Variants in HECW1 observed in about 807,000 individuals in gnomAD.
HECW1 encodes HECT, C2 and WW domain containing E3 ubiquitin protein ligase 1.
A neutral mutation model predicts 182.3 loss-of-function variants in HECW1; 61 were observed. The ratio of observed to expected loss-of-function variants is 0.33; its 90% CI spans 0.27 to 0.41. The LOEUF (loss-of-function observed/expected upper bound fraction) is 0.41. HECW1 is among the 10% of genes least tolerant of loss of function. The pLI, the probability that HECW1 is intolerant of heterozygous loss-of-function variation, is 1.00. For synonymous variants in HECW1, 859 were observed against 832.6 expected (o/e 1.03, Z -0.55); for missense variants, 1,739 against 2,108.9 (o/e 0.82, Z 3.44).
chr7:43,179,681 A>AT (rs1209427776), intron 2 of HECW1, among the ~76,000 whole-genome samples: 6 of 152,152 alleles, frequency 3.9e-5, no homozygotes, highest in African/African-American at 1.4e-4. Context: ...TATATTTAGT[A>AT]TTGCTTATTG....
At chr7:43,328,322 CA>C (rs1023743477) in intron 5 of HECW1, among the ~76,000 whole-genome samples, 1 of 151,274 alleles carries the variant, frequency 6.6e-6, no homozygotes, top group African/African-American at 2.4e-5. Flanking sequence ...AAACAAAAAA[CA>C]AAAAAAACAA....
intron 27 of HECW1, among the ~76,000 whole-genome samples, chr7:43,551,155 A>G (rs916661683): frequency 2.6e-5 from 4 of 152,196 alleles, no homozygotes; most frequent in African/African-American, 9.7e-5. Context: ...CTTCCCTGCC[A>G]GAATGGAGAA....
intron 2 of HECW1, among the ~76,000 whole-genome samples, chr7:43,202,477 CTT>C (rs760450431): frequency 7.8e-5 from 11 of 141,498 alleles, no homozygotes; most frequent in African/African-American, 7.7e-5. Flanking sequence ...TTCTCCTTGC[CTT>C]TTTTTTTTTT....
At chr7:43,130,605 A>T (rs1786806259) in intron 2 of HECW1, among the ~76,000 whole-genome samples, 1 of 152,242 alleles carries the variant, frequency 6.6e-6, no homozygotes, top group Non-Finnish European at 1.5e-5. Flanking sequence ...GCATATCATT[A>T]ATATAGTGAT....
rs73099593 is a variant in HECW1 at position 43,381,184 on chromosome 7, A to C, written c.556-15630A>C. On this transcript the variant is annotated intron_variant, in intron 6 of 29. Transcript: ENST00000395891. The stretch of plus-strand genomic sequence containing the variant: ...GCAAAATCTTTTGTCCTCTTTTCCC[A>C]TTGGGCTGTTTACTTTTTTCATGCT... Among the ~76,000 whole-genome samples the C allele has an allele frequency of 6.9e-3, 1,049 of 152,038 alleles. 9 individuals are homozygous for C. Among genetic ancestry groups the C allele is most frequent in the Middle Eastern group, 0.034 (10 of 294 alleles).
intron 9 of HECW1, 116 bp from the exon 10 acceptor site, chr7:43,442,413 C>A (rs865990961): frequency 1.6e-5 from 11 of 668,938 alleles, no homozygotes; most frequent in Middle Eastern, 3.4e-4. Flanking sequence ...TGCTGTTGAG[C>A]ACATCAGGAC....
chr7:43,552,437 G>T, intron 28 of HECW1, 101 bp downstream of exon 28: 1 of 797,592 alleles, frequency 1.3e-6, no homozygotes, highest in South Asian at 1.5e-5. Context: ...AAATAAAATT[G>T]ACTAAAGCGA....
intron 2 of HECW1, among the ~76,000 whole-genome samples, chr7:43,180,295 T>C (rs1176273067): frequency 8.4e-6 from 1 of 118,450 alleles, no homozygotes; most frequent in Non-Finnish European, 1.8e-5. Flanking sequence ...CTCCTTTTAA[T>C]GGTTGGAGGG....
intron 6 of HECW1, among the ~76,000 whole-genome samples, chr7:43,365,117 G>A (rs746905516): frequency 3.3e-5 from 5 of 152,318 alleles, no homozygotes; most frequent in African/African-American, 7.2e-5. Flanking sequence ...GCACCCAGCC[G>A]GCATCATCTG....
At position 43,201,574 on chromosome 7, in the gene HECW1, G is replaced by T. The variant is rs149836466; in HGVS notation, c.-31-42301G>T. Reference sequence around the variant, plus strand: ...GTTCATTCATCTTTACATTCCCCGTGGTAGATTTGTGACTTAAGGTACCCA... The same window carrying T: ...GTTCATTCATCTTTACATTCCCCGTTGTAGATTTGTGACTTAAGGTACCCA... On this transcript the variant is annotated intron_variant, in intron 2 of 29. Coordinates refer to ENST00000395891, the MANE Select transcript of HECW1 (RefSeq NM_015052.5). Among the ~76,000 whole-genome samples the T allele has an allele frequency of 3.6e-3, 553 of 152,242 alleles. 4 individuals carry two copies. The highest frequency in any genetic ancestry group is 0.013 in the African/African-American group (537 of 41,552).
chr7:43,249,005 T>C (rs905652332), intron 3 of HECW1: 3 of 152,348 alleles, frequency 2.0e-5, no homozygotes, highest in African/African-American at 7.2e-5. Context: ...AGCACTGCCC[T>C]GGGTGAGCTG....
intron 2 of HECW1, among the ~76,000 whole-genome samples, chr7:43,167,497 G>A (rs1469315314): frequency 6.6e-6 from 1 of 152,206 alleles, no homozygotes; most frequent in Non-Finnish European, 1.5e-5. Flanking sequence ...CCAGATGGAG[G>A]GAGGTTGGAA....
intron 19 of HECW1, among the ~76,000 whole-genome samples, chr7:43,493,449 A>T (rs147050688): frequency 6.6e-6 from 1 of 152,336 alleles, no homozygotes; most frequent in East Asian, 1.9e-4. Flanking sequence ...GACAGAAAGG[A>T]AACAAAATAG....
rs149605998 is a variant in HECW1 at position 43,466,538 on chromosome 7, C to A, written c.2883C>A (p.Pro961=). ...QSPAVKFITN[P]EFFTVLHANY... is the part of the protein sequence containing the mutation. ...CAGCGGTCAAGTTCATCACCAACCCCGAGTTCTTCACTGTGCTACATGCCA... is the reference window on the plus strand; with the variant it reads ...CAGCGGTCAAGTTCATCACCAACCCAGAGTTCTTCACTGTGCTACATGCCA... Residue 961 remains proline, a synonymous_variant, in exon 15 of 30, where the codon CCC becomes CCA. Transcript: ENST00000395891. The A allele has an allele frequency of 5.8e-4, 943 of 1,613,952 alleles. 4 individuals carry two copies. The African/African-American group carries it at 0.011, about 20-fold the overall frequency.
chr7:43,495,866 G>T (rs1563055717), intron 19 of HECW1, among the ~76,000 whole-genome samples: 1 of 152,124 alleles, frequency 6.6e-6, no homozygotes, highest in South Asian at 2.1e-4. Context: ...ACGCGTGGTT[G>T]TTCTTGAACA....
At chr7:43,145,907 G>A (rs1314769625) in intron 2 of HECW1, among the ~76,000 whole-genome samples, 2 of 152,164 alleles carry the variant, frequency 1.3e-5, no homozygotes, top group Admixed American at 1.3e-4. Context: ...AACTGCTCTT[G>A]CTGAACGGTG....
At chr7:43,134,393 C>CAAAAAAA (rs35414360) in intron 2 of HECW1, among the ~76,000 whole-genome samples, 31 of 87,758 alleles carry the variant, frequency 3.5e-4, no homozygotes, top group South Asian at 4.6e-4. Context: ...GACTCTGTCT[C>CAAAAAAA]AAAAAAAAAA....
chr7:43,230,130 C>T (rs534392276), intron 2 of HECW1, among the ~76,000 whole-genome samples: 11 of 152,328 alleles, frequency 7.2e-5, no homozygotes, highest in African/African-American at 1.9e-4. Flanking sequence ...CAGTGGCTCA[C>T]GCCTGTAATC....
At chr7:43,480,684 C>CATATATAT (rs33937309) in intron 17 of HECW1, among the ~76,000 whole-genome samples, 64 of 146,718 alleles carry the variant, frequency 4.4e-4, no homozygotes, top group African/African-American at 1.5e-3. Context: ...CATATATACG[C>CATATATAT]ATATATATAT....
Sources: gnomAD v4.1 joint callset for allele counts (sites outside exome capture counted in the v4.1 genomes callset) on GRCh38, gnomAD v4.1.1 for gene constraint, MANE v1.5 for transcripts, NCBI Gene and HGNC (gene_info 2026-07-23, HGNC 2026-07-21) for gene names.